The following TENM1 variants were observed in gnomAD, a reference collection of about 807,000 sequenced individuals.
The protein encoded by TENM1 is teneurin transmembrane protein 1.
A neutral mutation model predicts 174.8 loss-of-function variants in TENM1; 35 were observed. That is an observed-to-expected ratio of 0.20 (90% CI 0.15 to 0.27). TENM1 has a LOEUF of 0.27. Ranked by LOEUF, TENM1 falls within the 10% of genes least tolerant of loss-of-function variation. TENM1 has a pLI of 1.00. For synonymous variants in TENM1, 781 were observed against 798.7 expected (o/e 0.98, Z 0.37); for missense variants, 1,633 against 2,130.1 (o/e 0.77, Z 4.59).
rs57122660 is a variant in TENM1, at chrX:124,886,548, TAGAG to T, written c.535+7744_535+7747del. On this transcript the variant is annotated intron_variant, in intron 3 of 31. Coordinates refer to ENST00000422452, the Ensembl canonical transcript of TENM1. Reference sequence around the variant, plus strand: ...ATATATATATATATATATATATATATAGAGAGAGAGAGAGAGAGAGAGAGAGAGA... The same window carrying T: ...ATATATATATATATATATATATATATAGAGAGAGAGAGAGAGAGAGAGAGA... Among the ~76,000 whole-genome samples the T allele has an allele frequency of 4.0e-3, 237 of 59,967 alleles. 1 individual carries two copies. The highest frequency in any genetic ancestry group is 0.024 in the South Asian group (22 of 906). 52.1% of individuals were successfully genotyped at this position (59,967 alleles called of 115,157 possible). A position where few individuals can be genotyped will look rare whatever the true frequency, so the allele number is the denominator to read the frequency against.
chrX:124,755,661 GGA>G (rs1208803452), intron 3 of TENM1, among the ~76,000 whole-genome samples: 1 of 110,937 alleles, frequency 9.0e-6, no homozygotes, highest in Non-Finnish European at 1.9e-5. Context: ...GCTTCCTTCA[GGA>G]GCTCTTTTAG....
intron 3 of TENM1, among the ~76,000 whole-genome samples, chrX:124,757,324 G>A (rs1467663004): frequency 8.9e-6 from 1 of 112,355 alleles, no homozygotes; most frequent in Non-Finnish European, 1.9e-5. Context: ...CTCCTGGTGC[G>A]CCGTTTTTTA....
the TENM1 span, among the ~76,000 whole-genome samples, chrX:124,985,570 A>C: frequency 8.9e-6 from 1 of 112,186 alleles, no homozygotes; most frequent in Admixed American, 9.5e-5. Flanking sequence ...AATCATTTAC[A>C]AACTACTTGT....
rs181414896 is a variant in TENM1 at position 124,745,533 on chromosome X, G to A, written c.536-8336C>T. Reference sequence around the variant, plus strand: ...AAAAGTATAGATGAGTGGACTCAGGGTGATGCCTCTAATAGTGCCACTCTC... The same window carrying A: ...AAAAGTATAGATGAGTGGACTCAGGATGATGCCTCTAATAGTGCCACTCTC... On this transcript the variant is annotated intron_variant, in intron 3 of 31. Transcript: ENST00000422452. Among the ~76,000 whole-genome samples, 3 of 111,280 alleles carry A rather than the reference G, an allele frequency of 2.7e-5. No homozygotes were observed. In the Admixed American group the frequency reaches 2.9e-4, roughly 11 times the overall value.
intron 3 of TENM1, among the ~76,000 whole-genome samples, chrX:124,853,282 C>T (rs2056756703): frequency 9.0e-6 from 1 of 111,241 alleles, no homozygotes; most frequent in African/African-American, 3.3e-5. Context: ...GAAGGCCTCA[C>T]AGAGTACGTC....
At chrX:124,699,071 G>A (rs1036131532) in intron 5 of TENM1, among the ~76,000 whole-genome samples, 90 of 111,875 alleles carry the variant, frequency 8.0e-4, no homozygotes, top group African/African-American at 2.6e-3. Context: ...ATAGCTTAAC[G>A]ACTTATGCAA....
rs146606193 is a variant in TENM1, at chrX:124,781,024, A to G, written c.536-43827T>C. Reference sequence around the variant, plus strand: ...TGAACATTCCTTCCTTTGTGCCCCAACCGGACCATTCTATCATACCACTTG... The same window carrying G: ...TGAACATTCCTTCCTTTGTGCCCCAGCCGGACCATTCTATCATACCACTTG... On this transcript the variant is annotated intron_variant, in intron 3 of 31. Coordinates refer to ENST00000422452, the Ensembl canonical transcript of TENM1. 5.4e-3 allele frequency among the ~76,000 whole-genome samples: 597 copies of G among 111,391 alleles called. 9 individuals are homozygous for G. Among genetic ancestry groups the G allele is most frequent in the African/African-American group, 0.018 (566 of 30,668 alleles).
chrX:125,112,095 A>G, the TENM1 span, among the ~76,000 whole-genome samples: 159 of 108,532 alleles, frequency 1.5e-3, no homozygotes, highest in African/African-American at 5.1e-3. Context: ...AAACTCATCT[A>G]TTTGTACCAG....
intron 10 of TENM1, among the ~76,000 whole-genome samples, chrX:124,642,616 G>A (rs986896846): frequency 9.9e-5 from 11 of 111,316 alleles, no homozygotes; most frequent in Admixed American, 4.8e-4. Flanking sequence ...ATGAGAACAC[G>A]GTGACATAGT....
chrX:124,971,419 G>A, the TENM1 span, among the ~76,000 whole-genome samples: 19 of 110,906 alleles, frequency 1.7e-4, no homozygotes, highest in Non-Finnish European at 1.9e-4. Flanking sequence ...TGCTTCCTTC[G>A]CGCTAGATGA....
rs776377175 is a variant in TENM1, at chrX:124,945,654, C to T, written c.217+17883G>A. Among the ~76,000 whole-genome samples, 41 of 110,990 alleles carry T rather than the reference C, an allele frequency of 3.7e-4. No individual in the cohort carries two copies. In the East Asian group the frequency reaches 6.0e-3, roughly 16 times the overall value. ...AAGGTTTTTGATATAAATATGTGGA[C>T]ATAAGAGTTGCCAGAATCTGAGACA... On this transcript the variant is annotated intron_variant, in intron 1 of 31. Transcript: ENST00000422452.
chrX:124,724,456 T>A (rs1319412305), intron 4 of TENM1, among the ~76,000 whole-genome samples: 1 of 111,883 alleles, frequency 8.9e-6, no homozygotes, highest in Non-Finnish European at 1.9e-5. Flanking sequence ...TACATGAAAG[T>A]TGAAGTGGGG....
the TENM1 span, among the ~76,000 whole-genome samples, chrX:125,127,470 G>C: frequency 7.7e-4 from 86 of 111,705 alleles, no homozygotes; most frequent in Non-Finnish European, 1.1e-3. Flanking sequence ...TCTGTAGTTT[G>C]TTATCATAAC....
chrX:124,672,832 T>C (rs1418204566), intron 5 of TENM1, among the ~76,000 whole-genome samples: 4 of 111,785 alleles, frequency 3.6e-5, no homozygotes, highest in Non-Finnish European at 7.5e-5. Flanking sequence ...CTAAACATTA[T>C]AAATAGTGTG....
At chrX:125,037,338 C>T in the TENM1 span, among the ~76,000 whole-genome samples, 41 of 110,303 alleles carry the variant, frequency 3.7e-4, no homozygotes, top group African/African-American at 1.3e-3. Context: ...CAACATACCA[C>T]GGGGTAGTAA....
At chrX:125,063,669 C>A in the TENM1 span, among the ~76,000 whole-genome samples, 3 of 111,702 alleles carry the variant, frequency 2.7e-5, no homozygotes, top group Non-Finnish European at 5.6e-5. Context: ...ACAACAGGTG[C>A]TAGAGAGGAT....
chrX:124,936,829 C>A (rs1270643795), intron 1 of TENM1, among the ~76,000 whole-genome samples: 1 of 111,368 alleles, frequency 9.0e-6, no homozygotes, highest in African/African-American at 3.3e-5. Flanking sequence ...GGCAGATCAC[C>A]TGAGATCAGG....
intron 3 of TENM1, among the ~76,000 whole-genome samples, chrX:124,798,401 TA>T (rs1235384686): frequency 8.9e-6 from 1 of 112,095 alleles, no homozygotes; most frequent in Admixed American, 9.4e-5. Context: ...TGTGAGATGG[TA>T]TCTCTTTGTG....
chrX:124,740,111 C>T (rs2053765477), intron 3 of TENM1, among the ~76,000 whole-genome samples: 1 of 111,617 alleles, frequency 9.0e-6, no homozygotes, highest in African/African-American at 3.3e-5. Context: ...TCTAATGCCA[C>T]GTGTGGGAGA....
Sources: gnomAD v4.1 joint callset for allele counts (sites outside exome capture counted in the v4.1 genomes callset) on GRCh38, gnomAD v4.1.1 for gene constraint, MANE v1.5 for transcripts, NCBI Gene and HGNC (gene_info 2026-07-23, HGNC 2026-07-21) for gene names.